The following TENM1 variants were observed in gnomAD, a reference collection of about 807,000 sequenced individuals.
The protein encoded by TENM1 is teneurin-1.
A neutral mutation model predicts 174.8 loss-of-function variants in TENM1; 35 were observed. The observed-to-expected ratio is 0.20, with a 90% CI of 0.15 to 0.27. The LOEUF (loss-of-function observed/expected upper bound fraction) is 0.27. Ranked by LOEUF, TENM1 falls within the 10% of genes least tolerant of loss-of-function variation. The pLI is 1.00. For missense variants in TENM1, 1,633 were observed against 2,130.1 expected (o/e 0.77, Z 4.59); for synonymous variants, 781 against 798.7 (o/e 0.98, Z 0.37).
At chrX:124,489,976 C>T (rs1225533433) in intron 20 of TENM1, among the ~76,000 whole-genome samples, 1 of 111,551 alleles carries the variant, frequency 9.0e-6, no homozygotes, top group Non-Finnish European at 1.9e-5. Flanking sequence ...TTCCCCCATG[C>T]TCTGGCTCTG....
chrX:124,536,997 A>G (rs1198083097), intron 15 of TENM1, among the ~76,000 whole-genome samples: 1 of 111,403 alleles, frequency 9.0e-6, no homozygotes, highest in Non-Finnish European at 1.9e-5. Context: ...TCTCCTGGGC[A>G]TATATTACTC....
At chrX:124,742,283 T>A (rs1448241144) in intron 3 of TENM1, among the ~76,000 whole-genome samples, 2 of 111,066 alleles carry the variant, frequency 1.8e-5, no homozygotes, top group African/African-American at 6.5e-5. Flanking sequence ...ATGTCTGTAC[T>A]TCCTGGTCTT....
the TENM1 span, among the ~76,000 whole-genome samples, chrX:125,053,391 C>G: frequency 8.9e-6 from 1 of 112,241 alleles, no homozygotes; most frequent in Admixed American, 9.5e-5. Context: ...AAATTGGGAA[C>G]TATTGTGAAG....
chrX:125,045,196 G>C, the TENM1 span, among the ~76,000 whole-genome samples: 1 of 111,449 alleles, frequency 9.0e-6, no homozygotes, highest in Admixed American at 9.5e-5. Flanking sequence ...CAGTATGGGG[G>C]AAACAGCCCC....
intron 21 of TENM1, 32 bp downstream of exon 24, chrX:124,487,177 G>A: frequency 8.7e-7 from 1 of 1,155,495 alleles, no homozygotes; most frequent in Non-Finnish European, 1.2e-6. Context: ...GCAAGAGGGG[G>A]CATTAGGTAG....
chrX:124,819,934 C>T, intron 3 of TENM1, among the ~76,000 whole-genome samples: 1 of 109,123 alleles, frequency 9.2e-6, no homozygotes, highest in East Asian at 2.9e-4. Context: ...TAGCTGGGAT[C>T]ATAGGTGTGT....
At chrX:124,747,197 A>C (rs1365731278) in intron 3 of TENM1, among the ~76,000 whole-genome samples, 1 of 108,692 alleles carries the variant, frequency 9.2e-6, no homozygotes, top group Admixed American at 9.9e-5. Flanking sequence ...AAAAAAAATA[A>C]AAACGCAAAT....
chrX:124,597,681 T>C (rs2049931302), intron 11 of TENM1, among the ~76,000 whole-genome samples: 1 of 110,582 alleles, frequency 9.0e-6, no homozygotes, highest in Admixed American at 9.7e-5. Flanking sequence ...CCCAAACCTA[T>C]TGAAATAAGA....
the TENM1 span, among the ~76,000 whole-genome samples, chrX:124,972,756 C>T: frequency 8.9e-6 from 1 of 111,994 alleles, no homozygotes. Flanking sequence ...TATGGGACTT[C>T]TTCTCCAGAA....
chrX:125,025,912 C>T, the TENM1 span, among the ~76,000 whole-genome samples: 2 of 110,931 alleles, frequency 1.8e-5, no homozygotes, highest in African/African-American at 3.3e-5. Context: ...GTGGGATATG[C>T]CTAAAGGTAT....
At chrX:124,947,026 T>A (rs2058413298) in intron 1 of TENM1, among the ~76,000 whole-genome samples, 2 of 110,961 alleles carry the variant, frequency 1.8e-5, no homozygotes. Flanking sequence ...ATTGAGTAAA[T>A]TATTTTTGGC....
At chrX:124,684,885 C>T (rs2052322665) in intron 5 of TENM1, among the ~76,000 whole-genome samples, 1 of 111,260 alleles carries the variant, frequency 9.0e-6, no homozygotes, top group Admixed American at 9.5e-5. Flanking sequence ...AAGCTCCAGG[C>T]TCAACCATCA....
chrX:124,603,653 T>C (rs745835610), intron 11 of TENM1, among the ~76,000 whole-genome samples: 2 of 111,860 alleles, frequency 1.8e-5, no homozygotes, highest in East Asian at 5.7e-4. Flanking sequence ...ACCACAGTAG[T>C]TGGTAATAAC....
chrX:124,553,212 C>T (rs1317285281), intron 14 of TENM1, among the ~76,000 whole-genome samples: 1 of 110,842 alleles, frequency 9.0e-6, no homozygotes, highest in African/African-American at 3.3e-5. Context: ...AATAGTATGT[C>T]TTGGCCAGGT....
the TENM1 span, among the ~76,000 whole-genome samples, chrX:125,170,128 A>G: frequency 9.0e-6 from 1 of 111,668 alleles, no homozygotes; most frequent in Non-Finnish European, 1.9e-5. Context: ...TCTCCTTAAA[A>G]TGCAAACAGC....
At chrX:124,613,426 G>A (rs2050324278) in intron 11 of TENM1, among the ~76,000 whole-genome samples, 1 of 111,240 alleles carries the variant, frequency 9.0e-6, no homozygotes, top group South Asian at 3.8e-4. Context: ...GAACAGAATG[G>A]TTCCTCAAGT....
At chrX:124,590,048 G>A (rs2049692466) in intron 11 of TENM1, among the ~76,000 whole-genome samples, 2 of 111,777 alleles carry the variant, frequency 1.8e-5, no homozygotes, top group African/African-American at 3.2e-5. Context: ...GCCATTCAGC[G>A]CTATAAACTT....
chrX:125,070,964 C>G, the TENM1 span, among the ~76,000 whole-genome samples: 1 of 111,849 alleles, frequency 8.9e-6, no homozygotes, highest in Non-Finnish European at 1.9e-5. Context: ...ACTCACTCTT[C>G]TACAAATCAG....
At chrX:124,966,535 G>C (rs186477084), upstream of TENM1, among the ~76,000 whole-genome samples, 2,265 of 107,941 alleles carry the variant, frequency 0.021, 71 homozygotes, top group African/African-American at 0.073. Context: ...GGTAGCGGGC[G>C]CCTGTAGTCC....
Sources: allele counts gnomAD v4.1 joint callset (sites outside exome capture counted in the v4.1 genomes callset), GRCh38; gene constraint gnomAD v4.1.1; transcripts MANE v1.5; gene names NCBI Gene and HGNC (gene_info 2026-07-23, HGNC 2026-07-21).